Variants in NARS2 observed in about 807,000 individuals in gnomAD.
NARS2 encodes asparaginyl-tRNA synthetase 2, mitochondrial.
Under a neutral mutation model 62.9 loss-of-function variants are expected in NARS2, and 60 were observed. That is an observed-to-expected ratio of 0.95 (90% CI 0.77 to 1.18). The LOEUF (loss-of-function observed/expected upper bound fraction) is 1.18, where lower values mean the gene tolerates loss of function less well. Among genes scored for constraint, NARS2 ranks in the 50% most tolerant of loss-of-function variants. NARS2 has a pLI of 0.00. For missense variants in NARS2, 619 were observed against 576.4 expected (o/e 1.07, Z -0.76); for synonymous variants, 196 against 200.0 (o/e 0.98, Z 0.17).
chr11:78,465,858 T>C lies in NARS2; in HGVS notation c.1164+18A>G, dbSNP rs776282659. The C allele has an allele frequency of 1.2e-5, 19 of 1,613,716 alleles. No homozygotes were observed. Among genetic ancestry groups the C allele is most frequent in the Non-Finnish European group, 1.6e-5 (19 of 1,179,794 alleles). On this transcript the variant is annotated intron_variant, in intron 11 of 13. Coordinates refer to ENST00000281038, the MANE Select transcript of NARS2 (RefSeq NM_024678.6). ...ACCTAAGAGGACTAACCCCAATTTA[T>C]TTAGTATCTCTTCTTACCGTGTGCT...
intron 11 of NARS2, among the ~76,000 whole-genome samples, chr11:78,460,508 C>T (rs1439385695): frequency 1.3e-5 from 2 of 151,944 alleles, no homozygotes; most frequent in Non-Finnish European, 2.9e-5. Context: ...TTAGTCTAGG[C>T]AGTATCTTAA....
intron 5 of NARS2, among the ~76,000 whole-genome samples, chr11:78,541,032 G>A (rs60905408): frequency 0.067 from 10,203 of 152,112 alleles, 1,155 homozygotes; most frequent in African/African-American, 0.23. Context: ...GGTGGCGCAC[G>A]CCTGTATTCC....
chr11:78,471,780 C>T (rs112539908), intron 9 of NARS2, among the ~76,000 whole-genome samples: 7 of 147,324 alleles, frequency 4.8e-5, no homozygotes, highest in African/African-American at 7.5e-5. Context: ...TGAGAATATG[C>T]GGTGTTTGGT....
chr11:78,551,346 A>T (rs1396297220), intron 5 of NARS2, among the ~76,000 whole-genome samples: 1 of 152,190 alleles, frequency 6.6e-6, no homozygotes, highest in East Asian at 1.9e-4. Flanking sequence ...ACTACTGAAT[A>T]CTTTGGCAAT....
intron 6 of NARS2, among the ~76,000 whole-genome samples, chr11:78,527,272 T>C (rs1237873610): frequency 6.6e-6 from 1 of 152,198 alleles, no homozygotes; most frequent in East Asian, 1.9e-4. Flanking sequence ...CTCTGTAATA[T>C]AATCAACTGA....
At chr11:78,521,551 G>A (rs1478478405) in intron 6 of NARS2, among the ~76,000 whole-genome samples, 2 of 152,100 alleles carry the variant, frequency 1.3e-5, no homozygotes, top group African/African-American at 4.8e-5. Context: ...AGCACTTTGG[G>A]AGGCCGAGGC....
chr11:78,513,614 C>T (rs1031986603), intron 6 of NARS2, among the ~76,000 whole-genome samples: 3 of 151,934 alleles, frequency 2.0e-5, no homozygotes, highest in Non-Finnish European at 2.9e-5. Context: ...CACGTCTCTA[C>T]TAAATATACA....
At chr11:78,563,851 A>AAAAATAT (rs1404770578) in intron 4 of NARS2, among the ~76,000 whole-genome samples, 21 of 34,016 alleles carry the variant, frequency 6.2e-4, no homozygotes, top group African/African-American at 1.8e-3. Context: ...AAAAAAAAAA[A>AAAAATAT]ATATATATAT....
chr11:78,544,207 A>C (rs1855758123), intron 5 of NARS2, among the ~76,000 whole-genome samples: 2 of 152,038 alleles, frequency 1.3e-5, no homozygotes, highest in African/African-American at 2.4e-5. Flanking sequence ...GAATGATCTC[A>C]TTAAAATATA....
intron 11 of NARS2, among the ~76,000 whole-genome samples, chr11:78,450,060 G>A (rs986912745): frequency 1.3e-5 from 2 of 152,124 alleles, no homozygotes; most frequent in Middle Eastern, 3.2e-3. Context: ...CACATTCCTC[G>A]ACCAATGCAA....
At chr11:78,478,965 T>C (rs1017242074) in intron 7 of NARS2, among the ~76,000 whole-genome samples, 22 of 152,210 alleles carry the variant, frequency 1.4e-4, no homozygotes, top group African/African-American at 5.1e-4. Flanking sequence ...AACTCATCAA[T>C]GCCTCTCTAA....
intron 11 of NARS2, 123 bp from the exon 12 acceptor site, chr11:78,443,881 G>T (rs1857659962): frequency 1.5e-6 from 1 of 645,342 alleles, no homozygotes; most frequent in Non-Finnish European, 2.7e-6. Context: ...GAATCTTACT[G>T]ACTACATACA....
chr11:78,550,996 T>C (rs1856082804), intron 5 of NARS2, among the ~76,000 whole-genome samples: 1 of 152,194 alleles, frequency 6.6e-6, no homozygotes, highest in Non-Finnish European at 1.5e-5. Flanking sequence ...TACGATTCCA[T>C]TTATATGAAA....
At chr11:78,571,832 G>A (rs538181413) in intron 1 of NARS2, among the ~76,000 whole-genome samples, 13 of 152,152 alleles carry the variant, frequency 8.5e-5, no homozygotes, top group Admixed American at 5.2e-4. Context: ...TGTGGGGTGC[G>A]CCCTTCTTTC....
At chr11:78,488,936 G>A (rs192757089) in intron 7 of NARS2, among the ~76,000 whole-genome samples, 2 of 152,114 alleles carry the variant, frequency 1.3e-5, no homozygotes, top group East Asian at 3.9e-4. Flanking sequence ...GAGAGGAAAG[G>A]AAAGGAAGGG....
chr11:78,463,713 C>CGAAAAA (rs1858486828), intron 11 of NARS2, among the ~76,000 whole-genome samples: 1 of 47,986 alleles, frequency 2.1e-5, no homozygotes, highest in Non-Finnish European at 3.7e-5. Flanking sequence ...TAGTTAAGGT[C>CGAAAAA]AAAAAAAAAA....
At chr11:78,468,310 G>GAAAGAAAAA (rs1858712382) in intron 10 of NARS2, among the ~76,000 whole-genome samples, 1 of 67,436 alleles carries the variant, frequency 1.5e-5, no homozygotes, top group African/African-American at 5.9e-5. Flanking sequence ...CACTAAATCT[G>GAAAGAAAAA]AAAAAAAAAA....
At chr11:78,558,028 A>G (rs1856427100) in intron 5 of NARS2, among the ~76,000 whole-genome samples, 1 of 151,790 alleles carries the variant, frequency 6.6e-6, no homozygotes, top group Non-Finnish European at 1.5e-5. Flanking sequence ...CCAGCCATTT[A>G]TTGAATATTC....
At chr11:78,511,609 C>G (rs902072867) in intron 6 of NARS2, among the ~76,000 whole-genome samples, 1 of 151,786 alleles carries the variant, frequency 6.6e-6, no homozygotes, top group African/African-American at 2.4e-5. Context: ...CCCAGCTACT[C>G]GAGAGGCTGA....
Sources: allele counts gnomAD v4.1 joint callset (sites outside exome capture counted in the v4.1 genomes callset), GRCh38; gene constraint gnomAD v4.1.1; transcripts MANE v1.5; gene names NCBI Gene and HGNC (gene_info 2026-07-23, HGNC 2026-07-21).